The following TSPAN18 variants were observed in gnomAD, a reference collection of about 807,000 sequenced individuals.
The protein encoded by TSPAN18 is tetraspanin-18.
Under a neutral mutation model 27.3 loss-of-function variants are expected in TSPAN18, and 14 were observed. That is an observed-to-expected ratio of 0.51 (90% CI 0.34 to 0.80). The LOEUF (loss-of-function observed/expected upper bound fraction) is 0.80. Among genes scored for constraint, TSPAN18 ranks in the 30% least tolerant of loss-of-function variants. The pLI is 0.01. For missense variants in TSPAN18, 268 were observed against 323.9 expected, an observed-to-expected ratio of 0.83 and a Z score of 1.32; for synonymous variants, 143 against 136.5, an observed-to-expected ratio of 1.05 and a Z score of -0.33.
chr11:44,895,624 A>G (rs1019372192), intron 3 of TSPAN18, among the ~76,000 whole-genome samples: 3 of 152,058 alleles, frequency 2.0e-5, no homozygotes, highest in African/African-American at 7.2e-5. Flanking sequence ...ACAAGGGGTG[A>G]GCCCATTCCC....
chr11:44,877,895 C>G (rs1858381034), intron 3 of TSPAN18, among the ~76,000 whole-genome samples: 2 of 151,958 alleles, frequency 1.3e-5, no homozygotes. Flanking sequence ...TTCTCTCCCT[C>G]TCCCCACTGC....
At chr11:44,747,818 C>T (rs1469485129) in intron 1 of TSPAN18, among the ~76,000 whole-genome samples, 1 of 152,140 alleles carries the variant, frequency 6.6e-6, no homozygotes, top group African/African-American at 2.4e-5. Context: ...GTGGAACTTC[C>T]AGTGGCCCAA....
At position 44,932,255 on chromosome 11, in the gene TSPAN18, A is replaced by G. The variant is rs1860606224; in HGVS notation, c.*3077A>G. The stretch of plus-strand genomic sequence containing the variant: ...AACTATGTTCCTTGCCGTAGATTGC[A>G]GAGCTAATTTATCACGTTTCTCTCC... On this transcript the variant is annotated 3_prime_UTR_variant, in exon 10 of 10. Coordinates refer to ENST00000520358, the MANE Select transcript of TSPAN18 (RefSeq NM_130783.5). 1 of 151,906 alleles carries G rather than the reference A, an allele frequency of 6.6e-6. No homozygotes were observed. Among genetic ancestry groups the G allele is most frequent in the South Asian group, 2.1e-4 (1 of 4,816 alleles). 9.4% of individuals were successfully genotyped at this position (151,906 alleles called of 1,614,324 possible).
chr11:44,905,877 C>T (rs184632351), intron 3 of TSPAN18, among the ~76,000 whole-genome samples: 11 of 152,284 alleles, frequency 7.2e-5, no homozygotes, highest in African/African-American at 2.4e-4. Context: ...CCTGCAACAC[C>T]CCATCTCGCT....
chr11:44,843,699 T>C (rs1365206599), intron 2 of TSPAN18, among the ~76,000 whole-genome samples: 1 of 152,204 alleles, frequency 6.6e-6, no homozygotes, highest in Non-Finnish European at 1.5e-5. Context: ...TACCCCTAGG[T>C]GCGCATTCTC....
At chr11:44,854,207 G>C (rs1344115213) in intron 2 of TSPAN18, among the ~76,000 whole-genome samples, 3 of 136,168 alleles carry the variant, frequency 2.2e-5, no homozygotes, top group Admixed American at 7.2e-5. Context: ...GGGTGGGGGG[G>C]GGGGTTTGTG....
At chr11:44,895,957 C>T (rs1859029770) in intron 3 of TSPAN18, among the ~76,000 whole-genome samples, 1 of 152,176 alleles carries the variant, frequency 6.6e-6, no homozygotes, top group Non-Finnish European at 1.5e-5. Flanking sequence ...CCCGAGGATG[C>T]TTGGCCTTGT....
chr11:44,804,339 C>T (rs1856546333), intron 2 of TSPAN18, among the ~76,000 whole-genome samples: 1 of 152,240 alleles, frequency 6.6e-6, no homozygotes, highest in African/African-American at 2.4e-5. Flanking sequence ...GATCTGCCCA[C>T]CTCGGCCTCC....
In TSPAN18 at chr11:44,900,984, C is replaced by T. The variant is rs559712361; in HGVS notation, c.-10-5423C>T. Among the ~76,000 whole-genome samples the T allele has an allele frequency of 1.4e-3, 219 of 152,158 alleles. 2 individuals carry two copies. Among genetic ancestry groups the T allele is most frequent in the African/African-American group, 4.9e-3 (202 of 41,520 alleles). ...TGCTGGGATTACAAGCGTGAGCCAC[C>T]GCGCCCGGCCGAGGAAGGCATTGTT... On this transcript the variant is annotated intron_variant, in intron 3 of 9. Transcript: ENST00000520358.
At chr11:44,749,785 C>T (rs559985958) in intron 1 of TSPAN18, among the ~76,000 whole-genome samples, 12 of 151,976 alleles carry the variant, frequency 7.9e-5, no homozygotes, top group Admixed American at 1.3e-4. Flanking sequence ...TACAGGTGCC[C>T]GCTACCATGC....
chr11:44,925,324 TC>T (rs1484189091), intron 8 of TSPAN18, among the ~76,000 whole-genome samples: 1 of 152,180 alleles, frequency 6.6e-6, no homozygotes, highest in Non-Finnish European at 1.5e-5. Flanking sequence ...CCCCGATTAT[TC>T]CCATGCACAC....
intron 3 of TSPAN18, among the ~76,000 whole-genome samples, chr11:44,863,758 C>T (rs1265970905): frequency 6.7e-6 from 1 of 148,198 alleles, no homozygotes; most frequent in East Asian, 2.0e-4. Context: ...GCAGTACAGC[C>T]TCAGTATTCT....
intron 1 of TSPAN18, among the ~76,000 whole-genome samples, chr11:44,727,823 C>T (rs1264831995): frequency 1.3e-5 from 2 of 152,196 alleles, no homozygotes; most frequent in African/African-American, 2.4e-5. Context: ...ACTCGTTCCT[C>T]CAGGACCCCC....
At chr11:44,854,706 T>G (rs899386914) in intron 2 of TSPAN18, among the ~76,000 whole-genome samples, 3 of 152,328 alleles carry the variant, frequency 2.0e-5, no homozygotes, top group East Asian at 3.9e-4. Flanking sequence ...AGCAGGATGC[T>G]GACCTGTGTG....
chr11:44,864,454 G>A (rs896920865), intron 3 of TSPAN18, among the ~76,000 whole-genome samples: 2 of 152,110 alleles, frequency 1.3e-5, no homozygotes, highest in Non-Finnish European at 2.9e-5. Context: ...GAGGCACGTG[G>A]GGTCCTATTG....
intron 2 of TSPAN18, among the ~76,000 whole-genome samples, chr11:44,794,714 G>T (rs1346086711): frequency 1.3e-5 from 2 of 151,952 alleles, no homozygotes; most frequent in African/African-American, 4.8e-5. Flanking sequence ...CGAGACGTAA[G>T]TTCAAATTCT....
chr11:44,851,000 C>T (rs1821178284), intron 2 of TSPAN18, among the ~76,000 whole-genome samples: 1 of 152,316 alleles, frequency 6.6e-6, no homozygotes, highest in South Asian at 2.1e-4. Context: ...TTGATCTGCT[C>T]CAGGACACAC....
At chr11:44,815,188 G>A (rs1211632533) in intron 2 of TSPAN18, among the ~76,000 whole-genome samples, 1 of 152,202 alleles carries the variant, frequency 6.6e-6, no homozygotes, top group Non-Finnish European at 1.5e-5. Flanking sequence ...ACTCCTGGGG[G>A]CTTCCAGGCC....
At chr11:44,774,768 T>C (rs1285603252) in intron 2 of TSPAN18, among the ~76,000 whole-genome samples, 2 of 152,120 alleles carry the variant, frequency 1.3e-5, no homozygotes, top group African/African-American at 4.8e-5. Flanking sequence ...AACAACCAGG[T>C]TGATCTCAAA....
Sources: gnomAD v4.1 joint callset for allele counts (sites outside exome capture counted in the v4.1 genomes callset) on GRCh38, gnomAD v4.1.1 for gene constraint, MANE v1.5 for transcripts, NCBI Gene and HGNC (gene_info 2026-07-23, HGNC 2026-07-21) for gene names.